The following NKAIN2 variants were observed in gnomAD, a reference collection of about 807,000 sequenced individuals.
NKAIN2 encodes the protein sodium/potassium transporting ATPase interacting 2.
NKAIN2 carries 14 observed loss-of-function variants against 32.6 expected under a neutral mutation model. The ratio of observed to expected loss-of-function variants is 0.43; its 90% CI spans 0.28 to 0.67. The LOEUF is 0.67. Ranked by LOEUF, NKAIN2 falls within the 30% of genes least tolerant of loss-of-function variation. The pLI is 0.17. For synonymous variants in NKAIN2, 80 were observed against 87.2 expected (o/e 0.92, Z 0.46); for missense variants, 198 against 258.3 (o/e 0.77, Z 1.60).
At chr6:124,145,719 G>A (rs186806895) in intron 1 of NKAIN2, among the ~76,000 whole-genome samples, 3 of 151,922 alleles carry the variant, frequency 2.0e-5, no homozygotes, top group East Asian at 1.9e-4. Flanking sequence ...GTTAGCCAGG[G>A]TGGTCTCGAT....
chr6:124,163,475 T>C (rs900772565), intron 1 of NKAIN2, among the ~76,000 whole-genome samples: 2 of 152,020 alleles, frequency 1.3e-5, no homozygotes, highest in East Asian at 3.9e-4. Context: ...ACTTTCCTCC[T>C]AGTCTTGAGT....
intron 1 of NKAIN2, among the ~76,000 whole-genome samples, chr6:123,983,264 G>T (rs1778983183): frequency 6.6e-6 from 1 of 152,196 alleles, no homozygotes; most frequent in Non-Finnish European, 1.5e-5. Flanking sequence ...TGACATTACT[G>T]CAGCTGAGTC....
At chr6:124,627,002 G>A (rs760636209) in intron 3 of NKAIN2, among the ~76,000 whole-genome samples, 11 of 152,150 alleles carry the variant, frequency 7.2e-5, no homozygotes, top group Non-Finnish European at 1.3e-4. Flanking sequence ...AGGCATGGTG[G>A]CTCACACCAG....
chr6:124,528,279 CATT>C (rs1278621525), intron 3 of NKAIN2, among the ~76,000 whole-genome samples: 1 of 152,200 alleles, frequency 6.6e-6, no homozygotes, highest in Non-Finnish European at 1.5e-5. Context: ...CCTTGGAAAA[CATT>C]ATGTTCTCCA....
At chr6:124,028,824 T>TATAC in intron 1 of NKAIN2, among the ~76,000 whole-genome samples, 1 of 140,718 alleles carries the variant, frequency 7.1e-6, no homozygotes, top group South Asian at 2.1e-4. Flanking sequence ...TATATGTGTA[T>TATAC]ATATATACAT....
intron 3 of NKAIN2, among the ~76,000 whole-genome samples, chr6:124,576,463 A>G (rs898310798): frequency 1.3e-5 from 2 of 152,220 alleles, no homozygotes; most frequent in Admixed American, 6.5e-5. Flanking sequence ...AAGTCATGCG[A>G]ACCACACTGG....
chr6:124,633,743 C>T (rs1488068506), intron 3 of NKAIN2, among the ~76,000 whole-genome samples: 1 of 152,064 alleles, frequency 6.6e-6, no homozygotes, highest in African/African-American at 2.4e-5. Flanking sequence ...TCTTTGGAGC[C>T]CAGTACCCGT....
intron 5 of NKAIN2, among the ~76,000 whole-genome samples, chr6:124,797,189 A>AT (rs1313379249): frequency 6.6e-6 from 1 of 151,516 alleles, no homozygotes; most frequent in Non-Finnish European, 1.5e-5. Flanking sequence ...AAAAAAAAAA[A>AT]AAATCATCAT....
At chr6:124,770,939 A>C (rs1249674572) in intron 4 of NKAIN2, among the ~76,000 whole-genome samples, 1 of 152,176 alleles carries the variant, frequency 6.6e-6, no homozygotes, top group Non-Finnish European at 1.5e-5. Context: ...AGAACCAGAA[A>C]ATTGTAAAGA....
At position 124,383,846 on chromosome 6, in the gene NKAIN2, GC is replaced by G. The variant is rs1222183603; in HGVS notation, c.273+28500del. Among the ~76,000 whole-genome samples, 9 of 152,250 alleles carry G rather than the reference GC, an allele frequency of 5.9e-5. No homozygotes were observed. The South Asian group carries it at 6.2e-4, about 11-fold the overall frequency. Reference sequence around the variant, plus strand: ...TCCATACCTGGACTTGTTAGGAAAAGCTTGGACCATCAACTAGCTTGGCTTT... The same window carrying G: ...TCCATACCTGGACTTGTTAGGAAAAGTTGGACCATCAACTAGCTTGGCTTT... On this transcript the variant is annotated intron_variant, in intron 3 of 6. Transcript: ENST00000368417.
At chr6:123,983,673 T>C (rs1225546701) in intron 1 of NKAIN2, among the ~76,000 whole-genome samples, 1 of 152,132 alleles carries the variant, frequency 6.6e-6, no homozygotes, top group African/African-American at 2.4e-5. Context: ...TATCAAATAT[T>C]CATGGTATTT....
At chr6:124,334,386 C>T (rs1797783376) in intron 2 of NKAIN2, among the ~76,000 whole-genome samples, 1 of 152,204 alleles carries the variant, frequency 6.6e-6, no homozygotes, top group Non-Finnish European at 1.5e-5. Context: ...GCAATGCTGG[C>T]TGAACACAAG....
intron 2 of NKAIN2, among the ~76,000 whole-genome samples, chr6:124,340,497 A>G (rs569373490): frequency 9.2e-5 from 14 of 152,044 alleles, no homozygotes; most frequent in African/African-American, 2.9e-4. Context: ...CCAGTACCCA[A>G]TAGTTATTTT....
chr6:124,731,091 G>A (rs1161583617), intron 4 of NKAIN2, among the ~76,000 whole-genome samples: 1 of 142,488 alleles, frequency 7.0e-6, no homozygotes, highest in African/African-American at 2.6e-5. Flanking sequence ...GGAGAAATAG[G>A]AACACTTCTA....
chr6:124,274,749 ATAAT>A (rs561423782), intron 1 of NKAIN2, among the ~76,000 whole-genome samples: 338 of 152,210 alleles, frequency 2.2e-3, no homozygotes, highest in African/African-American at 7.7e-3. Flanking sequence ...ATATATATTA[ATAAT>A]TATTATCACA....
chr6:124,299,846 T>C (rs984153976), intron 2 of NKAIN2, among the ~76,000 whole-genome samples: 1 of 152,252 alleles, frequency 6.6e-6, no homozygotes, highest in African/African-American at 2.4e-5. Flanking sequence ...CAATGAAGAT[T>C]ACAACAATGA....
intron 1 of NKAIN2, among the ~76,000 whole-genome samples, chr6:124,246,349 A>G (rs1793396145): frequency 6.6e-6 from 1 of 152,048 alleles, no homozygotes; most frequent in South Asian, 2.1e-4. Context: ...GCCATTCAGT[A>G]TCACCCAACT....
chr6:124,453,620 C>T (rs1776205046), intron 3 of NKAIN2, among the ~76,000 whole-genome samples: 1 of 152,028 alleles, frequency 6.6e-6, no homozygotes, highest in Non-Finnish European at 1.5e-5. Flanking sequence ...ATCAGTTTTA[C>T]TTCATAATGT....
At chr6:123,934,688 T>C (rs1257649902) in intron 1 of NKAIN2, among the ~76,000 whole-genome samples, 1 of 152,128 alleles carries the variant, frequency 6.6e-6, no homozygotes, top group Non-Finnish European at 1.5e-5. Context: ...AGCTGGCTTC[T>C]ATTTCCTAAT....
Sources: allele counts gnomAD v4.1 joint callset (sites outside exome capture counted in the v4.1 genomes callset), GRCh38; gene constraint gnomAD v4.1.1; transcripts MANE v1.5; gene names NCBI Gene and HGNC (gene_info 2026-07-23, HGNC 2026-07-21).